CRYBG1: variants seen among roughly 807,000 people sequenced by gnomAD.
The protein encoded by CRYBG1 is beta/gamma crystallin domain-containing protein 1.
CRYBG1 carries 139 observed loss-of-function variants against 189.2 expected under a neutral mutation model. The observed-to-expected ratio is 0.73, with a 90% confidence interval of 0.64 to 0.85. The LOEUF is 0.85. CRYBG1 is among the 40% of genes least tolerant of loss of function. The pLI, the probability that CRYBG1 is intolerant of heterozygous loss-of-function variation, is 0.00. For missense variants in CRYBG1, 2,611 were observed against 2,675.8 expected (o/e 0.98, Z 0.53); for synonymous variants, 1,023 against 1,017.1 (o/e 1.01, Z -0.11).
intron 2 of CRYBG1, among the ~76,000 whole-genome samples, chr6:106,499,214 G>A (rs1280149943): frequency 1.4e-5 from 2 of 142,860 alleles, no homozygotes; most frequent in African/African-American, 2.7e-5. Context: ...GTGCAGTGGC[G>A]TGATCTCAGC....
chr6:106,482,592 C>A (rs11152995), intron 2 of CRYBG1, among the ~76,000 whole-genome samples: 57,196 of 151,614 alleles, frequency 0.38, 11,323 homozygotes, highest in East Asian at 0.54. Flanking sequence ...TGGCTAACAC[C>A]GTGAAACCCC....
At chr6:106,381,486 ATTGG>A (rs1770287211) in intron 1 of CRYBG1, among the ~76,000 whole-genome samples, 1 of 152,068 alleles carries the variant, frequency 6.6e-6, no homozygotes, top group Admixed American at 6.5e-5. Context: ...TACCTAGGAG[ATTGG>A]CATCTTAGGT....
At chr6:106,471,981 T>C (rs184927483) in intron 2 of CRYBG1, among the ~76,000 whole-genome samples, 1 of 152,314 alleles carries the variant, frequency 6.6e-6, no homozygotes, top group Non-Finnish European at 1.5e-5. Flanking sequence ...CAGTAAAAAC[T>C]TCACTGATTG....
intron 1 of CRYBG1, among the ~76,000 whole-genome samples, chr6:106,388,706 C>T (rs1770437938): frequency 6.6e-6 from 1 of 152,008 alleles, no homozygotes; most frequent in Non-Finnish European, 1.5e-5. Flanking sequence ...TTATAGGTTC[C>T]AGTTGGCAAG....
intron 1 of CRYBG1, among the ~76,000 whole-genome samples, chr6:106,369,395 TGCCA>T (rs1205691078): frequency 1.3e-5 from 2 of 152,154 alleles, no homozygotes. Context: ...TTATTGTTTG[TGCCA>T]TTTCAAGCTA....
At chr6:106,553,203 T>C (rs143222541) in intron 15 of CRYBG1, among the ~76,000 whole-genome samples, 2 of 152,356 alleles carry the variant, frequency 1.3e-5, no homozygotes, top group African/African-American at 4.8e-5. Flanking sequence ...CAGGGTGTTC[T>C]ATAGAAAGTT....
chr6:106,514,660 G>T (rs1313586332), intron 3 of CRYBG1, among the ~76,000 whole-genome samples: 2 of 152,180 alleles, frequency 1.3e-5, no homozygotes, highest in African/African-American at 4.8e-5. Flanking sequence ...ATGAAGGATG[G>T]TTCACCTGTC....
intron 3 of CRYBG1, among the ~76,000 whole-genome samples, chr6:106,517,006 CTTTT>C (rs5878896): frequency 2.8e-5 from 3 of 106,644 alleles, no homozygotes; most frequent in African/African-American, 7.3e-5. Flanking sequence ...ATGGTTTAGA[CTTTT>C]TTTTTTTTTT....
At chr6:106,438,003 C>T (rs572334576) in intron 1 of CRYBG1, among the ~76,000 whole-genome samples, 153 of 152,280 alleles carry the variant, frequency 1.0e-3, no homozygotes, top group Middle Eastern at 3.4e-3. Flanking sequence ...GAGACAGCAC[C>T]TTTTTATGTT....
chr6:106,365,936 C>T (rs992319461), intron 1 of CRYBG1, among the ~76,000 whole-genome samples: 2 of 152,138 alleles, frequency 1.3e-5, no homozygotes, highest in African/African-American at 4.8e-5. Context: ...AGTTTCAGAA[C>T]TATAGACAAT....
intron 2 of CRYBG1, among the ~76,000 whole-genome samples, chr6:106,493,526 G>A (rs924153282): frequency 6.6e-6 from 1 of 152,186 alleles, no homozygotes. Flanking sequence ...ATCTCAAAGA[G>A]ATATTTACAC....
Position 106,553,493 on chromosome 6 carries a change from T to C in CRYBG1, c.5511T>C (p.Ser1837=). ...CAGAACCACAGTTTCAAGGTCACAG[T>C]CAAAGTTTTGAAGAAACAACAAGTC... ...LFSEPQFQGH[S]QSFEETTSQI... The change falls in exon 16 of 22, where the codon AGT becomes AGC. Residue 1837 remains serine (S), a synonymous_variant. Transcript: ENST00000633556. 1 of 1,613,944 alleles carries C rather than the reference T, an allele frequency of 6.2e-7. No homozygotes were observed. Among genetic ancestry groups the C allele is most frequent in the Non-Finnish European group, 8.5e-7 (1 of 1,179,798 alleles).
In CRYBG1 at chr6:106,543,542, G is replaced by A. The variant is rs748348375; in HGVS notation, c.4984G>A (p.Gly1662Arg). ...MEGGETEEAT[G>R]DDHLPFTSVG... Reference sequence around the variant, plus strand: ...GGGAGGTGAAACAGAAGAGGCGACTGGAGACGATCATTTGCCGTTTACGTC... The same window carrying A: ...GGGAGGTGAAACAGAAGAGGCGACTAGAGACGATCATTTGCCGTTTACGTC... The change falls in exon 11 of 22, where the codon GGA becomes AGA. Residue 1662 changes from glycine to arginine, a missense_variant. Physicochemically the swap from Gly to Arg is moderately radical, Grantham distance 125. Coordinates refer to ENST00000633556, the MANE Select transcript of CRYBG1 (RefSeq NM_001371242.2). 6.2e-7 allele frequency: 1 copy of A among 1,614,086 alleles called. No individual in the cohort carries two copies. Among genetic ancestry groups the A allele is most frequent in the Non-Finnish European group, 8.5e-7 (1 of 1,179,958 alleles).
Position 106,519,962 on chromosome 6 carries a change from G to A in CRYBG1, c.2754G>A (p.Gln918=). 2 of 1,614,168 alleles carry A rather than the reference G, an allele frequency of 1.2e-6. No homozygotes were observed. Among genetic ancestry groups the A allele is most frequent in the Non-Finnish European group, 1.7e-6 (2 of 1,180,028 alleles). Residue 918 remains glutamine (Q), a synonymous_variant, in exon 4 of 22, where the codon CAG becomes CAA. Coordinates refer to ENST00000633556, the MANE Select transcript of CRYBG1 (RefSeq NM_001371242.2). ...HKGCVLPVSR[Q]NNEKMPLLEL... ...GATGTGTTTTGCCTGTGTCTCGTCA[G>A]AACAATGAGAAAATGCCACTTTTAG... is the stretch of plus-strand genomic sequence containing the variant.
intron 1 of CRYBG1, among the ~76,000 whole-genome samples, chr6:106,439,368 T>C (rs1196095544): frequency 6.6e-6 from 1 of 152,176 alleles, no homozygotes; most frequent in Non-Finnish European, 1.5e-5. Context: ...AAAAATAAGT[T>C]TGTTTCCTTT....
At chr6:106,552,770 A>AT (rs1018724009) in intron 15 of CRYBG1, among the ~76,000 whole-genome samples, 4 of 152,248 alleles carry the variant, frequency 2.6e-5, no homozygotes, top group African/African-American at 9.6e-5. Flanking sequence ...ATAAAGCTGA[A>AT]TTTTATATCA....
chr6:106,545,370 T>A (rs1233863892), intron 13 of CRYBG1, among the ~76,000 whole-genome samples: 3 of 152,242 alleles, frequency 2.0e-5, no homozygotes, highest in African/African-American at 7.2e-5. Flanking sequence ...TCTATGTACG[T>A]GGAGTTAGCA....
Position 106,553,695 on chromosome 6 carries a change from G to A in CRYBG1, c.5585+128G>A, listed in dbSNP as rs562705506. On this transcript the variant is annotated intron_variant, in intron 16 of 21. Transcript: ENST00000633556. ...GAAACCACCATCTTAGTCCAATGGC[G>A]TGCTTCGTGATATCTGAGTACCAGA... The A allele has an allele frequency of 1.8e-4, 124 of 694,516 alleles. 1 individual carries two copies. The highest frequency in any genetic ancestry group is 5.9e-5 in the Non-Finnish European group (23 of 391,772). The allele number at this position is 694,516 out of a possible 1,614,324, so 43.0% of individuals were successfully genotyped here. A position where few individuals can be genotyped will look rare whatever the true frequency, so the allele number is the denominator to read the frequency against.
At position 106,511,694 on chromosome 6, in the gene CRYBG1, G is replaced by A; in HGVS notation, c.577G>A (p.Ala193Thr). The change falls in exon 3 of 22, where the codon GCA becomes ACA. Residue 193 changes from alanine (A) to threonine (T), a missense_variant. Around this residue, in one of 3 missense-constraint regions of CRYBG1, gnomAD observed 985 missense variants for 924.4 expected, o/e 1.07. Coordinates refer to ENST00000633556, the MANE Select transcript of CRYBG1 (RefSeq NM_001371242.2). ...CTCCCCGCGGGAGAATCCCCGAGAG[G>A]CAGAGGGCGAGCTCCCCGAGAGCGG... The part of the protein sequence containing the change: ...EGSPRENPRE[A>T]EGELPESGGP... The A allele has an allele frequency of 6.5e-7, 1 of 1,535,440 alleles. No homozygotes were observed.
Sources: allele counts gnomAD v4.1 joint callset (sites outside exome capture counted in the v4.1 genomes callset), GRCh38; gene constraint gnomAD v4.1.1; regional missense constraint gnomAD v4.1.1; transcripts MANE v1.5; gene names NCBI Gene and HGNC (gene_info 2026-07-23, HGNC 2026-07-21).